SDF4: variants seen among roughly 807,000 people sequenced by gnomAD.
SDF4 encodes 45 kDa calcium-binding protein.
In SDF4, 22 loss-of-function variants were observed where a neutral mutation model predicts 34.2. The observed-to-expected ratio is 0.64, with a 90% CI of 0.46 to 0.92. SDF4 has a LOEUF of 0.92. SDF4 is among the 40% of genes least tolerant of loss of function. SDF4 has a pLI of 0.00. For missense variants in SDF4, 447 were observed against 499.9 expected (o/e 0.89, Z 1.01); for synonymous variants, 236 against 203.1 (o/e 1.16, Z -1.38).
rs551647964 is a variant in SDF4 at position 1,225,959 on chromosome 1, C to T, written c.306-1991G>A. 5.9e-5 allele frequency among the ~76,000 whole-genome samples: 9 copies of T among 152,366 alleles called. No individual in the cohort carries two copies. In the South Asian group the frequency reaches 1.2e-3, roughly 21 times the overall value. On this transcript the variant is annotated intron_variant, in intron 2 of 6. Coordinates refer to ENST00000360001, the MANE Select transcript of SDF4 (RefSeq NM_016176.6). The stretch of plus-strand genomic sequence containing the variant: ...CGTACATGGAGCTGGCACGCACACA[C>T]GCAAGTGCACAGGCCGGTACCCACG...
In SDF4 at chr1:1,220,634, C is replaced by T. The variant is rs868723665; in HGVS notation, c.557-1707G>A. On this transcript the variant is annotated intron_variant, in intron 4 of 6. Transcript: ENST00000360001. ...TCAGCATGCATGGGGACCCCCAAAA[C>T]GCAGAGTGAATTCTAAACACACCTC... The T allele has an allele frequency of 3.9e-5, 50 of 1,289,070 alleles. No individual in the cohort carries two copies. In the Middle Eastern group the frequency reaches 8.5e-4, roughly 22 times the overall value. 79.9% of individuals were successfully genotyped at this position (1,289,070 alleles called of 1,614,324 possible).
Position 1,218,136 on chromosome 1 carries a change from G to A in SDF4, c.891+322C>T, listed in dbSNP as rs892468490. Among the ~76,000 whole-genome samples the A allele has an allele frequency of 6.6e-6, 1 of 152,216 alleles. No individual in the cohort carries two copies. Among genetic ancestry groups the A allele is most frequent in the Non-Finnish European group, 1.5e-5 (1 of 68,034 alleles). ...GCCCACCTGCACCTGCTGGGCCTTG[G>A]ACCTGCCTCCATGCTGGGCCCAGCA... On this transcript the variant is annotated intron_variant, in intron 6 of 6. Transcript: ENST00000360001. This position sits in a 1 kb window ranked among gnomAD's most constrained non-coding sequence, Gnocchi z 7.9.
intron 3 of SDF4, 46 bp downstream of exon 3, chr1:1,223,786 G>GGCCCCCCCCCCCCCCCCCCCCC: frequency 1.9e-5 from 11 of 585,240 alleles, no homozygotes; most frequent in East Asian, 1.2e-4. Context: ...CCATGGCCCT[G>GGCCCCCCCCCCCCCCCCCCCCC]CCCGCCCCGC....
Position 1,217,602 on chromosome 1 carries a change from G to A in SDF4, c.978C>T (p.His326=). Residue 326 remains histidine, a synonymous_variant, in exon 7 of 7, where the codon CAC becomes CAT. Transcript: ENST00000360001. The surrounding 1 kb of genome is among the most constrained non-coding windows in gnomAD (Gnocchi z 8.5). ...ACTTGAGCACCTCCTCGGGCTCCAG[G>A]TGGTGGTTCTGGTTCTCGTCGGCGA... ...IAVADENQNH[H]LEPEEVLKYS... 1 of 1,613,774 alleles carries A rather than the reference G, an allele frequency of 6.2e-7. No individual in the cohort carries two copies.
intron 4 of SDF4, chr1:1,220,621 G>A (rs1649889132): frequency 2.3e-6 from 3 of 1,289,140 alleles, no homozygotes; most frequent in Non-Finnish European, 3.0e-6. Context: ...AGCATGCATG[G>A]GGACCCCCAA....
chr1:1,223,739 G>T, intron 3 of SDF4, 93 bp downstream of exon 3: 1 of 1,216,244 alleles, frequency 8.2e-7, no homozygotes, highest in Non-Finnish European at 1.1e-6. Flanking sequence ...CCGTCCCTCA[G>T]ACAGGGCCTG....
chr1:1,228,828 AG>A lies in SDF4; in HGVS notation c.-57del. The A allele has an allele frequency of 1.4e-6, 2 of 1,427,510 alleles. No homozygotes were observed. The highest frequency in any genetic ancestry group is 1.9e-6 in the Non-Finnish European group (2 of 1,054,916). 88.4% of individuals were successfully genotyped at this position (1,427,510 alleles called of 1,614,324 possible). On this transcript the variant is annotated 5_prime_UTR_variant, in exon 2 of 7. Transcript: ENST00000360001. ...TGCAGGGTGTGGGCCAGGTGCTGGG[AG>A]GGGCAGGGGCAGGGGCAGAGGAGGA...
rs375984056 is a variant in SDF4, at chr1:1,228,808, G to A, written c.-36C>T. 2.0e-5 allele frequency: 31 copies of A among 1,564,906 alleles called. No individual in the cohort carries two copies. In the African/African-American group the frequency reaches 3.9e-4, roughly 20 times the overall value. ...GGCCAGACCATGGGGCGGGCTGCAG[G>A]GTGTGGGCCAGGTGCTGGGAGGGGC... is the stretch of plus-strand genomic sequence containing the variant. On this transcript the variant is annotated 5_prime_UTR_variant, in exon 2 of 7. Transcript: ENST00000360001.
rs1356090811 is a variant in SDF4 at position 1,228,877 on chromosome 1, A to G, written c.-105T>C. 88 of 1,086,318 alleles carry G rather than the reference A, an allele frequency of 8.1e-5. No individual in the cohort carries two copies. Among genetic ancestry groups the G allele is most frequent in the Non-Finnish European group, 1.1e-4 (83 of 767,918 alleles). 67.3% of individuals were successfully genotyped at this position (1,086,318 alleles called of 1,614,324 possible). The stretch of plus-strand genomic sequence containing the variant: ...GGAAGTGAGGTCCTGGCTCCAATCC[A>G]ATCCCCGGGCACCACGGAGGGCTCT... On this transcript the variant is annotated 5_prime_UTR_variant, in exon 2 of 7. Coordinates refer to ENST00000360001, the MANE Select transcript of SDF4 (RefSeq NM_016176.6).
At chr1:1,221,427 G>A (rs1649953096) in intron 4 of SDF4, 2 of 152,612 alleles carry the variant, frequency 1.3e-5, no homozygotes, top group African/African-American at 4.8e-5. Flanking sequence ...GCTGGGCATG[G>A]TGGCACACAC....
At chr1:1,229,091 T>G in intron 1 of SDF4, 145 bp from the exon 2 acceptor site, 1 of 430,490 alleles carries the variant, frequency 2.3e-6, no homozygotes, top group Middle Eastern at 6.1e-4. Flanking sequence ...GGCACTGCCT[T>G]CTCCAGACCA....
At chr1:1,226,419 C>T (rs1638310410) in intron 2 of SDF4, among the ~76,000 whole-genome samples, 1 of 152,140 alleles carries the variant, frequency 6.6e-6, no homozygotes, top group South Asian at 2.1e-4. Flanking sequence ...CAGGAGAAAA[C>T]ACATCCCACA....
chr1:1,228,523 C>T lies in SDF4; in HGVS notation c.250G>A (p.Asp84Asn), dbSNP rs1368618576. Residue 84 changes from aspartate (D) to asparagine (N), a missense_variant, in exon 2 of 7, where the codon GAT becomes AAT. By Grantham distance (23) the Asp-to-Asn change is conservative (BLOSUM62 1). Coordinates refer to ENST00000360001, the MANE Select transcript of SDF4 (RefSeq NM_016176.6). ...CTCCGCCGCGGCTCCGCGTCCTCATCAAAGCCACCCAGGTCCTTGCCTAGG... is the reference window on the plus strand; with the variant it reads ...CTCCGCCGCGGCTCCGCGTCCTCATTAAAGCCACCCAGGTCCTTGCCTAGG... ...VFLGKDLGGF[D>N]EDAEPRRSRR... 7 of 1,612,736 alleles carry T rather than the reference C, an allele frequency of 4.3e-6. 1 individual carries two copies. In the South Asian group the frequency reaches 7.7e-5, roughly 18 times the overall value.
chr1:1,224,009 C>T, intron 2 of SDF4, 41 bp from the exon 3 acceptor site: 1 of 1,602,838 alleles, frequency 6.2e-7, no homozygotes, highest in South Asian at 1.1e-5. Context: ...CAGACTGGGC[C>T]CCCAGGACCC....
rs1649609507 is a variant in SDF4, at chr1:1,217,730, T to G, written c.892-42A>C. On this transcript the variant is annotated intron_variant, in intron 6 of 6. Transcript: ENST00000360001. This position sits in a 1 kb window ranked among gnomAD's most constrained non-coding sequence, Gnocchi z 8.5. ...CACAGGTCAGCGTCGCCTTTCCCCC[T>G]CCGAGCTCCGCGGCCAGCCGCACGA... 6.2e-7 allele frequency: 1 copy of G among 1,610,830 alleles called. No homozygotes were observed. Among genetic ancestry groups the G allele is most frequent in the Admixed American group, 1.7e-5 (1 of 59,830 alleles).
chr1:1,229,306 A>AC (rs1389329595), intron 1 of SDF4, among the ~76,000 whole-genome samples: 1 of 152,222 alleles, frequency 6.6e-6, no homozygotes, highest in East Asian at 1.9e-4. Flanking sequence ...CTCTGGGCTC[A>AC]GGTGATGCTC....
chr1:1,223,984 T>C lies in SDF4; in HGVS notation c.306-16A>G, dbSNP rs1650141582. 2.5e-6 allele frequency: 4 copies of C among 1,608,236 alleles called. No homozygotes were observed. The highest frequency in any genetic ancestry group is 3.4e-6 in the Non-Finnish European group (4 of 1,179,338). ...CACATCCACCCTGCAAGACAGCAAA[T>C]GGGCAGGTGGCCGTCAGACTGGGCC... On this transcript the variant is annotated splice_polypyrimidine_tract_variant and intron_variant, in intron 2 of 6. Transcript: ENST00000360001.
chr1:1,229,462 T>G (rs985940628), intron 1 of SDF4, among the ~76,000 whole-genome samples: 1 of 152,234 alleles, frequency 6.6e-6, no homozygotes, highest in Non-Finnish European at 1.5e-5. Flanking sequence ...TCCTCTTGCC[T>G]CAGTCTCCCA....
At chr1:1,225,810 C>T (rs533230407) in intron 2 of SDF4, among the ~76,000 whole-genome samples, 49 of 152,274 alleles carry the variant, frequency 3.2e-4, no homozygotes, top group African/African-American at 1.0e-3. Flanking sequence ...CAGACACACA[C>T]GAGGCAGAGC....
Sources: gnomAD v4.1 joint callset for allele counts (sites outside exome capture counted in the v4.1 genomes callset) on GRCh38, gnomAD v4.1.1 for gene constraint, Gnocchi (gnomAD v3.1) non-coding constraint, MANE v1.5 for transcripts, NCBI Gene and HGNC (gene_info 2026-07-23, HGNC 2026-07-21) for gene names.